CCSER1: variants seen among roughly 807,000 people sequenced by gnomAD.
CCSER1 encodes the protein coiled-coil serine rich protein 1.
In CCSER1, 41 loss-of-function variants were observed where a neutral mutation model predicts 82.0. The ratio of observed to expected loss-of-function variants is 0.50; its 90% CI spans 0.39 to 0.65. The LOEUF (loss-of-function observed/expected upper bound fraction) is 0.65. CCSER1 is among the 30% of genes least tolerant of loss of function. The probability of loss-of-function intolerance (pLI) is 0.00; values close to 1 mark genes in which losing one functional copy is unlikely to be tolerated. For synonymous variants in CCSER1, 414 were observed against 383.9 expected (o/e 1.08, Z -0.92); for missense variants, 1,119 against 1,064.2 (o/e 1.05, Z -0.72).
chr4:90,697,721 TA>T, intron 6 of CCSER1, among the ~76,000 whole-genome samples: 1 of 152,238 alleles, frequency 6.6e-6, no homozygotes, highest in Non-Finnish European at 1.5e-5. Flanking sequence ...AGATACTTTT[TA>T]ATAAAAGGCG....
intron 10 of CCSER1, among the ~76,000 whole-genome samples, chr4:91,451,436 G>A (rs1278042702): frequency 6.6e-6 from 1 of 151,738 alleles, no homozygotes; most frequent in Non-Finnish European, 1.5e-5. Context: ...AATATTTAAA[G>A]GATTACTCTC....
At chr4:90,406,001 A>G (rs1195624237) in intron 4 of CCSER1, among the ~76,000 whole-genome samples, 1 of 152,188 alleles carries the variant, frequency 6.6e-6, no homozygotes, top group Non-Finnish European at 1.5e-5. Flanking sequence ...ATAGAATAGT[A>G]CCTCATGTCT....
At chr4:90,793,701 TG>T (rs1322244482) in intron 7 of CCSER1, among the ~76,000 whole-genome samples, 7 of 152,328 alleles carry the variant, frequency 4.6e-5, no homozygotes, top group South Asian at 2.1e-4. Context: ...GGGATTGCTG[TG>T]ACAAATGGTA....
intron 6 of CCSER1, among the ~76,000 whole-genome samples, chr4:90,702,601 C>T (rs549355059): frequency 1.1e-3 from 168 of 152,180 alleles, no homozygotes; most frequent in African/African-American, 4.0e-3. Context: ...CTGTCTGGTC[C>T]CGTACTTTTT....
intron 1 of CCSER1, among the ~76,000 whole-genome samples, chr4:90,196,925 G>A (rs1397602814): frequency 6.6e-6 from 1 of 151,950 alleles, no homozygotes; most frequent in African/African-American, 2.4e-5. Flanking sequence ...CACCAGCTGG[G>A]TGTCCTAAAA....
intron 6 of CCSER1, among the ~76,000 whole-genome samples, chr4:90,710,657 T>G (rs1398330339): frequency 6.6e-6 from 1 of 152,134 alleles, no homozygotes; most frequent in Non-Finnish European, 1.5e-5. Context: ...TGATCTTATT[T>G]TTGAGTTCTC....
At chr4:91,253,584 AG>A (rs754336424) in intron 10 of CCSER1, among the ~76,000 whole-genome samples, 47 of 152,216 alleles carry the variant, frequency 3.1e-4, no homozygotes, top group Non-Finnish European at 6.3e-4. Flanking sequence ...AAAAGGGAGC[AG>A]GGGTGGCTGC....
intron 7 of CCSER1, among the ~76,000 whole-genome samples, chr4:90,736,847 T>G (rs1387521036): frequency 2.0e-5 from 3 of 152,100 alleles, no homozygotes; most frequent in Non-Finnish European, 4.4e-5. Flanking sequence ...CTTTTTATTT[T>G]TCTTTATCTG....
intron 6 of CCSER1, among the ~76,000 whole-genome samples, chr4:90,638,705 A>G (rs569832342): frequency 2.0e-5 from 3 of 152,256 alleles, no homozygotes; most frequent in African/African-American, 7.2e-5. Context: ...TGAGGAGAGG[A>G]GGAAAGTATA....
chr4:91,208,171 A>G lies in CCSER1; in HGVS notation c.2217+122177A>G, dbSNP rs138543600. Among the ~76,000 whole-genome samples, 11 of 152,024 alleles carry G rather than the reference A, an allele frequency of 7.2e-5. No homozygotes were observed. The East Asian group carries it at 9.7e-4, about 13-fold the overall frequency. On this transcript the variant is annotated intron_variant, in intron 10 of 10. Transcript: ENST00000509176. ...GAGTTCACAACAAATATTTTCTCCA[A>G]TTCTGTAGGTTGCCTGTTTACTCTG...
At chr4:91,581,917 ACT>A (rs1763745955) in intron 10 of CCSER1, among the ~76,000 whole-genome samples, 1 of 151,652 alleles carries the variant, frequency 6.6e-6, no homozygotes, top group Non-Finnish European at 1.5e-5. Context: ...GTTGAGAACC[ACT>A]GATTTACCGT....
chr4:90,660,468 A>G (rs756396481), intron 6 of CCSER1, among the ~76,000 whole-genome samples: 10 of 152,110 alleles, frequency 6.6e-5, no homozygotes, highest in African/African-American at 2.4e-5. Flanking sequence ...TTTTGGGAAT[A>G]TTAATGAAAA....
chr4:90,444,784 A>G (rs558943313), intron 4 of CCSER1, among the ~76,000 whole-genome samples: 22 of 152,064 alleles, frequency 1.4e-4, no homozygotes, highest in Non-Finnish European at 2.6e-4. Flanking sequence ...TATTTCGACA[A>G]TACCTTTATT....
chr4:91,530,918 C>T (rs987367576), intron 10 of CCSER1, among the ~76,000 whole-genome samples: 1 of 151,952 alleles, frequency 6.6e-6, no homozygotes, highest in Non-Finnish European at 1.5e-5. Context: ...AACTCCTGAC[C>T]TCAGGTGATC....
At chr4:90,417,275 T>C (rs1362143700) in intron 4 of CCSER1, among the ~76,000 whole-genome samples, 2 of 152,100 alleles carry the variant, frequency 1.3e-5, no homozygotes, top group Non-Finnish European at 2.9e-5. Context: ...TTTTTCTGGT[T>C]GTTAGTCAAA....
At chr4:90,393,408 G>A (rs1276083597) in intron 3 of CCSER1, among the ~76,000 whole-genome samples, 2 of 152,112 alleles carry the variant, frequency 1.3e-5, no homozygotes, top group Non-Finnish European at 2.9e-5. Flanking sequence ...TGTATATCTT[G>A]GCAGCACCTG....
chr4:90,515,759 T>C (rs1772179347), intron 5 of CCSER1, among the ~76,000 whole-genome samples: 1 of 152,026 alleles, frequency 6.6e-6, no homozygotes, highest in Admixed American at 6.6e-5. Context: ...AGACATAGAG[T>C]GAGTAACTTG....
chr4:91,149,546 C>T (rs1259130349), intron 10 of CCSER1, among the ~76,000 whole-genome samples: 1 of 152,122 alleles, frequency 6.6e-6, no homozygotes, highest in Non-Finnish European at 1.5e-5. Context: ...GACATGAAGA[C>T]CTTGCCCATG....
intron 10 of CCSER1, among the ~76,000 whole-genome samples, chr4:91,311,280 T>C (rs1745456221): frequency 6.6e-6 from 1 of 151,976 alleles, no homozygotes; most frequent in Admixed American, 6.6e-5. Flanking sequence ...TAAAGTGGTC[T>C]GCAAACTTAG....
Sources: allele counts gnomAD v4.1 joint callset (sites outside exome capture counted in the v4.1 genomes callset), GRCh38; gene constraint gnomAD v4.1.1; transcripts MANE v1.5; gene names NCBI Gene and HGNC (gene_info 2026-07-23, HGNC 2026-07-21).